Variants in NEXN observed in about 807,000 individuals in gnomAD.
NEXN encodes the protein nexilin.
Under a neutral mutation model 92.6 loss-of-function variants are expected in NEXN, and 65 were observed. That is an observed-to-expected ratio of 0.70 (90% CI 0.57 to 0.86). The LOEUF is 0.86. NEXN is among the 40% of genes least tolerant of loss of function. NEXN has a pLI of 0.00. For missense variants in NEXN, 778 were observed against 771.1 expected (o/e 1.01, Z -0.11); for synonymous variants, 254 against 242.5 (o/e 1.05, Z -0.44).
At chr1:77,933,704 T>A (rs1015468825) in intron 10 of NEXN, among the ~76,000 whole-genome samples, 2 of 152,224 alleles carry the variant, frequency 1.3e-5, no homozygotes, top group Non-Finnish European at 2.9e-5. Flanking sequence ...GGTTTGCAAG[T>A]GACTGAGCTA....
rs2102181052 is a variant in NEXN at position 77,942,603 on chromosome 1, T to G, written c.1802T>G (p.Phe601Cys). The G allele has an allele frequency of 1.2e-6, 2 of 1,613,810 alleles. No homozygotes were observed. Among genetic ancestry groups the G allele is most frequent in the African/African-American group, 1.3e-5 (1 of 75,004 alleles). ...TSVVDSEPVRFTVKVTGEPKP... is the reference protein window; with the variant it reads ...TSVVDSEPVRCTVKVTGEPKP... ...GTTGTAGACAGTGAGCCAGTCAGAT[T>G]TACGGTTAAAGTAACAGGAGAACCC... Residue 601 changes from phenylalanine to cysteine, a missense_variant, in exon 13 of 13, where the codon TTT (phenylalanine) becomes TGT (cysteine). By Grantham distance (205) the Phe-to-Cys change is radical (BLOSUM62 -2). Transcript: ENST00000334785.
rs1163286847 is a variant in NEXN at position 77,942,472 on chromosome 1, G to A, written c.1671G>A (p.Glu557=). The change falls in exon 13 of 13, where the codon GAG becomes GAA. Residue 557 remains glutamate (E), a synonymous_variant. Coordinates refer to ENST00000334785, the MANE Select transcript of NEXN (RefSeq NM_144573.4). ...TTATTTTAATACAGAAAAGAGAAGAGGAGGAGGAGGAAGAAGGTAGCATCA... is the reference window on the plus strand; with the variant it reads ...TTATTTTAATACAGAAAAGAGAAGAAGAGGAGGAGGAAGAAGGTAGCATCA... ...IDAALQKKRE[E]EEEEEGSIMN... 1 of 1,611,054 alleles carries A rather than the reference G, an allele frequency of 6.2e-7. No individual in the cohort carries two copies. The highest frequency in any genetic ancestry group is 8.5e-7 in the Non-Finnish European group (1 of 1,177,814).
chr1:77,940,771 CA>C (rs893468100), intron 11 of NEXN, among the ~76,000 whole-genome samples: 1 of 152,146 alleles, frequency 6.6e-6, no homozygotes, highest in African/African-American at 2.4e-5. Flanking sequence ...CATGGTTTAA[CA>C]TGTATTTTTC....
intron 1 of NEXN, among the ~76,000 whole-genome samples, chr1:77,906,493 G>A (rs775637943): frequency 6.6e-5 from 10 of 152,074 alleles, no homozygotes; most frequent in African/African-American, 1.2e-4. Context: ...GTTATTAAGC[G>A]CAAAAAGTTC....
Position 77,925,176 on chromosome 1 carries a change from C to A in NEXN, c.448-12C>A, listed in dbSNP as rs771827438. ...TGATGTAATGTAATGATATGAAATT[C>A]TCATTCAATAGATTGAGGACATAAA... On this transcript the variant is annotated splice_polypyrimidine_tract_variant and intron_variant, in intron 5 of 12. Transcript: ENST00000334785. 1 of 1,568,796 alleles carries A rather than the reference C, an allele frequency of 6.4e-7. No individual in the cohort carries two copies. The highest frequency in any genetic ancestry group is 1.7e-5 in the Admixed American group (1 of 59,580).
At chr1:77,939,009 ATATT>A (rs1239225616) in intron 11 of NEXN, among the ~76,000 whole-genome samples, 1 of 152,220 alleles carries the variant, frequency 6.6e-6, no homozygotes, top group Non-Finnish European at 1.5e-5. Flanking sequence ...GAGTAATAAA[ATATT>A]TATGTTTATG....
chr1:77,892,162 C>T (rs1228004296), intron 1 of NEXN, among the ~76,000 whole-genome samples: 1 of 151,830 alleles, frequency 6.6e-6, no homozygotes, highest in Admixed American at 6.6e-5. Context: ...TTTACGTCCT[C>T]TCTTAAAAAT....
intron 5 of NEXN, among the ~76,000 whole-genome samples, chr1:77,923,912 G>A (rs1187663151): frequency 1.3e-5 from 2 of 151,672 alleles, no homozygotes; most frequent in Admixed American, 6.6e-5. Flanking sequence ...TCTTGACCTC[G>A]TGATCCGCCC....
Position 77,935,975 on chromosome 1 carries a change from A to C in NEXN, c.1404A>C (p.Glu468Asp), listed in dbSNP as rs1186241599. 6.2e-7 allele frequency: 1 copy of C among 1,614,022 alleles called. No homozygotes were observed. ...LSEKEIQKKIEEERARRRAID... is the reference protein window; with the variant it reads ...LSEKEIQKKIDEERARRRAID... ...AAAAAGAAATACAGAAAAAAATAGA[A>C]GAAGAGCGAGCAAGAAGGAGAGCAA... The change falls in exon 11 of 13, where the codon GAA (glutamate) becomes GAC (aspartate). Residue 468 changes from glutamate to aspartate, a missense_variant. By Grantham distance (45) the Glu-to-Asp change is conservative. Around this residue, in one of 3 missense-constraint regions of NEXN, gnomAD observed 532 missense variants for 476.7 expected, o/e 1.12. Transcript: ENST00000334785.
intron 1 of NEXN, among the ~76,000 whole-genome samples, chr1:77,901,888 T>G (rs1030794653): frequency 6.6e-6 from 1 of 152,236 alleles, no homozygotes; most frequent in Non-Finnish European, 1.5e-5. Context: ...ACTACAGGAA[T>G]GCACCCAGCT....
At chr1:77,919,582 A>ATTT (rs71075777) in intron 5 of NEXN, among the ~76,000 whole-genome samples, 3 of 131,976 alleles carry the variant, frequency 2.3e-5, no homozygotes, top group Non-Finnish European at 1.6e-5. Flanking sequence ...CAGGTCAGTC[A>ATTT]TTTTTTTTTT....
At chr1:77,910,675 C>G (rs1004342717) in intron 1 of NEXN, among the ~76,000 whole-genome samples, 1 of 142,968 alleles carries the variant, frequency 7.0e-6, no homozygotes, top group East Asian at 2.1e-4. Flanking sequence ...CACTTGAACC[C>G]GAGAGGTGGA....
intron 11 of NEXN, among the ~76,000 whole-genome samples, chr1:77,940,947 C>T (rs1156965941): frequency 2.6e-5 from 4 of 152,098 alleles, no homozygotes; most frequent in African/African-American, 9.7e-5. Flanking sequence ...TTTCCAACAT[C>T]AAATAAAAAA....
chr1:77,893,616 A>G (rs986533011), intron 1 of NEXN, among the ~76,000 whole-genome samples: 2 of 152,156 alleles, frequency 1.3e-5, no homozygotes, highest in Non-Finnish European at 2.9e-5. Flanking sequence ...TCACTAGCTC[A>G]AATACGAATA....
intron 9 of NEXN, among the ~76,000 whole-genome samples, chr1:77,931,392 G>C (rs796944481): frequency 3.5e-5 from 5 of 143,208 alleles, no homozygotes; most frequent in Non-Finnish European, 6.0e-5. Context: ...CAGCCTGGGG[G>C]ACAGAGTGAG....
At chr1:77,923,505 T>G (rs934783866) in intron 5 of NEXN, among the ~76,000 whole-genome samples, 1 of 152,046 alleles carries the variant, frequency 6.6e-6, no homozygotes, top group Non-Finnish European at 1.5e-5. Context: ...AATTCTTACT[T>G]TTTTAACGGT....
intron 1 of NEXN, among the ~76,000 whole-genome samples, chr1:77,913,308 G>A (rs1211404450): frequency 4.0e-5 from 6 of 151,814 alleles, no homozygotes; most frequent in Non-Finnish European, 7.4e-5. Context: ...CCAGCTGCTC[G>A]GGAGGCTGAG....
At chr1:77,938,683 A>G (rs1194925448) in intron 11 of NEXN, among the ~76,000 whole-genome samples, 1 of 152,104 alleles carries the variant, frequency 6.6e-6, no homozygotes, top group Non-Finnish European at 1.5e-5. Flanking sequence ...ACAGAATCAA[A>G]TTGGGTGGTC....
chr1:77,899,549 C>G (rs1442813796), intron 1 of NEXN, among the ~76,000 whole-genome samples: 2 of 151,888 alleles, frequency 1.3e-5, no homozygotes, highest in South Asian at 4.1e-4. Flanking sequence ...TGGAGATATA[C>G]CTAATGCTAA....
Sources: gnomAD v4.1 joint callset for allele counts (sites outside exome capture counted in the v4.1 genomes callset) on GRCh38, gnomAD v4.1.1 for gene constraint, gnomAD v4.1.1 regional missense constraint, MANE v1.5 for transcripts, NCBI Gene and HGNC (gene_info 2026-07-23, HGNC 2026-07-21) for gene names.